FOXP1: variants seen among roughly 807,000 people sequenced by gnomAD.
FOXP1 encodes forkhead box protein P1.
FOXP1 carries 15 observed loss-of-function variants against 98.2 expected under a neutral mutation model. The ratio of observed to expected loss-of-function variants is 0.15; its 90% CI spans 0.10 to 0.24. The LOEUF is 0.24. Ranked by LOEUF, FOXP1 falls within the 10% of genes least tolerant of loss-of-function variation. FOXP1 has a pLI of 1.00. For synonymous variants in FOXP1, 371 were observed against 314.5 expected, an observed-to-expected ratio of 1.18 and a Z score of -1.90; for missense variants, 633 against 848.5, an observed-to-expected ratio of 0.75 and a Z score of 3.15.
chr3:71,164,445 C>T (rs1293470349), intron 6 of FOXP1, among the ~76,000 whole-genome samples: 1 of 152,116 alleles, frequency 6.6e-6, no homozygotes, highest in Non-Finnish European at 1.5e-5. Context: ...GTGATCTGCC[C>T]GCCTCGGCCT....
At chr3:71,561,147 C>A (rs2046501094) in intron 2 of FOXP1, among the ~76,000 whole-genome samples, 2 of 152,012 alleles carry the variant, frequency 1.3e-5, no homozygotes, top group Admixed American at 1.3e-4. Flanking sequence ...ACCTCCGACT[C>A]CCAGGTTCAA....
At chr3:71,329,409 G>C (rs2076153272) in intron 4 of FOXP1, among the ~76,000 whole-genome samples, 2 of 151,718 alleles carry the variant, frequency 1.3e-5, no homozygotes, top group Non-Finnish European at 2.9e-5. Flanking sequence ...TTTTAGTAGA[G>C]ACGGGGTTTC....
chr3:71,324,737 C>A (rs1168740701), intron 4 of FOXP1, among the ~76,000 whole-genome samples: 1 of 151,980 alleles, frequency 6.6e-6, no homozygotes, highest in Admixed American at 6.6e-5. Flanking sequence ...GCATGTTGTA[C>A]ACATGTACAC....
At chr3:71,364,043 G>A (rs1426507314) in intron 3 of FOXP1, among the ~76,000 whole-genome samples, 1 of 152,182 alleles carries the variant, frequency 6.6e-6, no homozygotes, top group Admixed American at 6.5e-5. Flanking sequence ...AACAGTGGGA[G>A]GTGCTCACCC....
intron 2 of FOXP1, among the ~76,000 whole-genome samples, chr3:71,530,708 G>A (rs116616936): frequency 3.3e-5 from 5 of 152,244 alleles, no homozygotes; most frequent in Middle Eastern, 3.4e-3. Context: ...CTCATTTAAC[G>A]TTCATGACAA....
chr3:71,493,270 G>A (rs1021806829), intron 3 of FOXP1, among the ~76,000 whole-genome samples, 156 bp downstream of exon 3: 6 of 152,108 alleles, frequency 3.9e-5, no homozygotes, highest in African/African-American at 9.7e-5. Flanking sequence ...TCAGATCACC[G>A]CAGGAATTAT....
At chr3:71,159,104 C>CAAAAA (rs34653634) in intron 6 of FOXP1, among the ~76,000 whole-genome samples, 3 of 77,988 alleles carry the variant, frequency 3.8e-5, no homozygotes, top group Non-Finnish European at 5.1e-5. Context: ...AACCCTATCT[C>CAAAAA]AAAAAAAAAA....
chr3:70,958,394 T>G lies in FOXP1; in HGVS notation c.*853A>C. 2.0e-6 allele frequency: 1 copy of G among 503,674 alleles called. No homozygotes were observed. Among genetic ancestry groups the G allele is most frequent in the Non-Finnish European group, 3.8e-6 (1 of 261,942 alleles). 31.2% of individuals were successfully genotyped at this position (503,674 alleles called of 1,614,324 possible). The stretch of plus-strand genomic sequence containing the variant: ...GCCTTCATGTGTAGAGTGCAGCATT[T>G]GGGACCTTTTTGAAAAAGACCAAAA... On this transcript the variant is annotated 3_prime_UTR_variant, in exon 21 of 21. Coordinates refer to ENST00000649528, the MANE Select transcript of FOXP1 (RefSeq NM_001349338.3).
At chr3:70,992,067 G>A (rs962367478) in intron 13 of FOXP1, among the ~76,000 whole-genome samples, 1 of 152,176 alleles carries the variant, frequency 6.6e-6, no homozygotes, top group Non-Finnish European at 1.5e-5. Context: ...GAATGCATGA[G>A]TTCAGATTAT....
At chr3:71,322,972 C>CT (rs879670656) in intron 4 of FOXP1, among the ~76,000 whole-genome samples, 397 of 139,956 alleles carry the variant, frequency 2.8e-3, no homozygotes, top group South Asian at 3.0e-3. Context: ...AAGCTCGGTA[C>CT]TTTTTTTTTT....
chr3:71,493,918 AG>A (rs1241267531), intron 2 of FOXP1, among the ~76,000 whole-genome samples: 1 of 152,222 alleles, frequency 6.6e-6, no homozygotes, highest in Non-Finnish European at 1.5e-5. Flanking sequence ...TTCCCTATTA[AG>A]TTATGATCTT....
intron 4 of FOXP1, among the ~76,000 whole-genome samples, chr3:71,317,413 T>C (rs960819629): frequency 6.6e-6 from 1 of 152,160 alleles, no homozygotes; most frequent in Non-Finnish European, 1.5e-5. Flanking sequence ...AGGCGGGCTC[T>C]GGAGACAAAG....
At chr3:71,382,055 T>A (rs1412795381) in intron 3 of FOXP1, among the ~76,000 whole-genome samples, 1 of 152,174 alleles carries the variant, frequency 6.6e-6, no homozygotes, top group Non-Finnish European at 1.5e-5. Flanking sequence ...GCGAGTTTCT[T>A]GAGTCCAAGG....
intron 2 of FOXP1, among the ~76,000 whole-genome samples, chr3:71,531,395 C>A (rs2043835701): frequency 6.6e-6 from 1 of 152,184 alleles, no homozygotes; most frequent in South Asian, 2.1e-4. Context: ...TAAACTACTG[C>A]TATTCTACGG....
chr3:71,246,008 C>CA (rs1005394181), intron 5 of FOXP1, among the ~76,000 whole-genome samples: 2 of 146,030 alleles, frequency 1.4e-5, no homozygotes, highest in African/African-American at 5.1e-5. Flanking sequence ...ACCCCCCCCC[C>CA]ACCACAAAGC....
intron 6 of FOXP1, among the ~76,000 whole-genome samples, chr3:71,176,952 A>T (rs568445074): frequency 2.6e-4 from 39 of 151,988 alleles, no homozygotes; most frequent in African/African-American, 9.2e-4. Flanking sequence ...AGTCCCAGCT[A>T]CTAAGGAGTT....
intron 20 of FOXP1, among the ~76,000 whole-genome samples, chr3:70,962,703 T>C (rs1455840803): frequency 6.6e-6 from 1 of 152,204 alleles, no homozygotes; most frequent in Non-Finnish European, 1.5e-5. Context: ...CTTTCTTAAC[T>C]ATCAGGTCTA....
Position 71,262,264 on chromosome 3 carries a change from CAAAAAAAAAAAAAAAAAAA to C in FOXP1, c.-12+37537_-12+37555del, listed in dbSNP as rs71104433. On this transcript the variant is annotated intron_variant, in intron 5 of 20. Transcript: ENST00000649528. ...CTGGCAACAGGACAAGACTCTGTCA[CAAAAAAAAAAAAAAAAAAA>C]AAAAAAAAAAAAAAAAAAATTGTCA... is the stretch of plus-strand genomic sequence containing the variant. 5.1e-4 allele frequency among the ~76,000 whole-genome samples: 13 copies of C among 25,714 alleles called. No homozygotes were observed. In the South Asian group the frequency reaches 0.027, roughly 53 times the overall value. The allele number at this position is 25,714 out of a possible 152,430, so 16.9% of individuals were successfully genotyped here.
In FOXP1 at chr3:70,977,708, T is replaced by C. The variant is rs2037862564; in HGVS notation, c.1363A>G (p.Asn455Asp). 6.2e-7 allele frequency: 1 copy of C among 1,614,188 alleles called. No individual in the cohort carries two copies. Among genetic ancestry groups the C allele is most frequent in the Non-Finnish European group, 8.5e-7 (1 of 1,180,008 alleles). The change falls in exon 16 of 21, where the codon AAC becomes GAC. Residue 455 changes from asparagine to aspartate, a missense_variant. Coordinates refer to ENST00000649528, the MANE Select transcript of FOXP1 (RefSeq NM_001349338.3). ...TCTGCGTTCTTATAAAATTCTTGGT[T>C]CTGCGCAATATCTGCTGAATAAGAA... ...VPISSADIAQNQEFYKNAEVR... is the reference protein window; with the variant it reads ...VPISSADIAQDQEFYKNAEVR...
Sources: gnomAD v4.1 joint callset for allele counts (sites outside exome capture counted in the v4.1 genomes callset) on GRCh38, gnomAD v4.1.1 for gene constraint, MANE v1.5 for transcripts, NCBI Gene and HGNC (gene_info 2026-07-23, HGNC 2026-07-21) for gene names.